Variants in C6orf89 observed in about 807,000 individuals in gnomAD.
C6orf89 encodes chromosome 6 open reading frame 89, also known as bombesin receptor-activated protein C6orf89.
In C6orf89, 29 loss-of-function variants were observed where a neutral mutation model predicts 40.7. The observed-to-expected ratio is 0.71, with a 90% confidence interval of 0.53 to 0.97. The LOEUF (loss-of-function observed/expected upper bound fraction) is 0.97, where lower values mean the gene tolerates loss of function less well. C6orf89 is among the 50% of genes least tolerant of loss of function. The pLI is 0.00. For synonymous variants in C6orf89, 165 were observed against 152.2 expected, an observed-to-expected ratio of 1.08 and a Z score of -0.62; for missense variants, 392 against 429.1, an observed-to-expected ratio of 0.91 and a Z score of 0.76.
chr6:36,893,882 C>T (rs1044410945), intron 1 of C6orf89, among the ~76,000 whole-genome samples: 2 of 151,992 alleles, frequency 1.3e-5, no homozygotes, highest in Non-Finnish European at 2.9e-5. Flanking sequence ...CAAAAAATAT[C>T]ATCCTTTAAT....
upstream of C6orf89, among the ~76,000 whole-genome samples, chr6:36,882,754 G>A (rs112969645): frequency 0.31 from 39,231 of 128,058 alleles, 6,657 homozygotes; most frequent in East Asian, 0.4. Context: ...TTTTTGAGAC[G>A]GAGTCTCGCT....
chr6:36,871,887 G>A (rs1283934632), exon 1 of C6orf89: 1 of 1,561,364 alleles, frequency 6.4e-7, no homozygotes, highest in East Asian at 2.4e-5. Flanking sequence ...AGAGGGAGAG[G>A]ACAACAGCTC....
intron 6 of C6orf89, among the ~76,000 whole-genome samples, chr6:36,915,162 G>A (rs2150710681): frequency 6.6e-6 from 1 of 152,340 alleles, no homozygotes; most frequent in Middle Eastern, 3.4e-3. Context: ...AAAAGGGATG[G>A]ATGAAGAGGT....
intron 4 of C6orf89, among the ~76,000 whole-genome samples, chr6:36,904,235 G>A (rs1296007916): frequency 6.6e-6 from 1 of 152,182 alleles, no homozygotes; most frequent in African/African-American, 2.4e-5. Context: ...AACACTGCTC[G>A]CTTCTTCTCT....
intron 2 of C6orf89, among the ~76,000 whole-genome samples, chr6:36,896,833 A>T (rs1330100038): frequency 6.6e-6 from 1 of 152,118 alleles, no homozygotes; most frequent in East Asian, 1.9e-4. Context: ...TTTTGTGTAT[A>T]GTATAAAGAA....
chr6:36,895,421 G>A (rs1436085547), intron 2 of C6orf89, among the ~76,000 whole-genome samples: 3 of 152,102 alleles, frequency 2.0e-5, no homozygotes, highest in Admixed American at 6.6e-5. Context: ...AAAGAATGTG[G>A]GGTCGAAATG....
intron 4 of C6orf89, among the ~76,000 whole-genome samples, chr6:36,907,763 T>C (rs972095780): frequency 9.2e-5 from 14 of 152,222 alleles, no homozygotes; most frequent in African/African-American, 3.4e-4. Flanking sequence ...TAATTTACGC[T>C]GACTTTTCTG....
intron 7 of C6orf89, among the ~76,000 whole-genome samples, 179 bp downstream of exon 7, chr6:36,916,753 C>T (rs1365046720): frequency 2.6e-5 from 4 of 152,212 alleles, no homozygotes; most frequent in African/African-American, 7.2e-5. Context: ...AGGGGCCCAC[C>T]TTGTCATGAA....
chr6:36,899,023 A>G (rs1421863754), intron 2 of C6orf89, among the ~76,000 whole-genome samples: 6 of 152,172 alleles, frequency 3.9e-5, no homozygotes, highest in Non-Finnish European at 7.3e-5. Context: ...ACAGCGTTAA[A>G]CAACACTGTG....
intron 4 of C6orf89, among the ~76,000 whole-genome samples, chr6:36,911,554 G>C (rs1163133461): frequency 1.3e-5 from 2 of 151,996 alleles, no homozygotes; most frequent in Non-Finnish European, 2.9e-5. Context: ...TAACTCTTAG[G>C]TTAAGAGCTG....
intron 4 of C6orf89, among the ~76,000 whole-genome samples, chr6:36,903,511 G>C (rs929127721): frequency 6.6e-6 from 1 of 151,930 alleles, no homozygotes; most frequent in Non-Finnish European, 1.5e-5. Context: ...CCAGGCTGGA[G>C]TGCAGTGGTG....
chr6:36,874,645 G>A, intron 1 of C6orf89: 2 of 1,575,486 alleles, frequency 1.3e-6, no homozygotes, highest in Non-Finnish European at 1.7e-6. Flanking sequence ...GAACGCGCCA[G>A]GAACGCAGAC....
upstream of C6orf89, among the ~76,000 whole-genome samples, chr6:36,882,527 C>T (rs915665660): frequency 1.3e-5 from 2 of 152,084 alleles, no homozygotes; most frequent in Middle Eastern, 3.2e-3. Context: ...TGTTATTAAA[C>T]GTTCTGGAAA....
Position 36,886,061 on chromosome 6 carries a change from G to A in C6orf89, c.-120+33G>A, listed in dbSNP as rs533662586. Reference sequence around the variant, plus strand: ...ACTGGGGCCCGAGGCTGGGTGGGGGGAGGCCGCCCTGTGACAGCCTCGCCG... The same window carrying A: ...ACTGGGGCCCGAGGCTGGGTGGGGGAAGGCCGCCCTGTGACAGCCTCGCCG... On this transcript the variant is annotated intron_variant, in intron 1 of 8. Transcript: ENST00000480824. The A allele has an allele frequency of 1.0e-5, 12 of 1,191,156 alleles. No individual in the cohort carries two copies. In the South Asian group the frequency reaches 4.6e-4, roughly 45 times the overall value. 73.8% of individuals were successfully genotyped at this position (1,191,156 alleles called of 1,614,324 possible).
chr6:36,878,003 A>G (rs1246771776), intron 1 of C6orf89, among the ~76,000 whole-genome samples: 2 of 152,238 alleles, frequency 1.3e-5, no homozygotes, highest in Non-Finnish European at 2.9e-5. Context: ...TCAGTGTTGG[A>G]CAGACATTAT....
chr6:36,914,728 G>A (rs1430956277), intron 6 of C6orf89, 35 bp downstream of exon 6: 8 of 1,602,892 alleles, frequency 5.0e-6, no homozygotes, highest in Non-Finnish European at 6.8e-6. Context: ...AGTGGCTCAT[G>A]CCTGTGATCC....
intron 1 of C6orf89, among the ~76,000 whole-genome samples, chr6:36,872,951 G>A (rs551545439): frequency 6.6e-6 from 1 of 152,336 alleles, no homozygotes; most frequent in East Asian, 1.9e-4. Context: ...TGGATACCCA[G>A]TGCCTTGCAC....
chr6:36,879,947 A>G (rs1371231166), intron 2 of C6orf89, among the ~76,000 whole-genome samples: 1 of 152,202 alleles, frequency 6.6e-6, no homozygotes, highest in Non-Finnish European at 1.5e-5. Flanking sequence ...TCCTTCTGGG[A>G]AGGGCAGTAG....
intron 8 of C6orf89, among the ~76,000 whole-genome samples, chr6:36,920,201 A>G (rs1200450008): frequency 6.6e-6 from 1 of 152,224 alleles, no homozygotes; most frequent in Non-Finnish European, 1.5e-5. Context: ...AGGAAATGTT[A>G]CCTTCTGTGT....
Sources: gnomAD v4.1 joint callset for allele counts (sites outside exome capture counted in the v4.1 genomes callset) on GRCh38, gnomAD v4.1.1 for gene constraint, MANE v1.5 for transcripts, NCBI Gene and HGNC (gene_info 2026-07-23, HGNC 2026-07-21) for gene names.